Variants in IRAK2 observed in about 807,000 individuals in gnomAD.
The protein encoded by IRAK2 is interleukin-1 receptor-associated kinase-like 2.
A neutral mutation model predicts 72.0 loss-of-function variants in IRAK2; 57 were observed. The ratio of observed to expected loss-of-function variants is 0.79; its 90% CI spans 0.64 to 0.99. IRAK2 has a LOEUF of 0.99. IRAK2 is among the 50% of genes least tolerant of loss of function. The pLI, the probability that IRAK2 is intolerant of heterozygous loss-of-function variation, is 0.00. For missense variants in IRAK2, 790 were observed against 794.4 expected (o/e 0.99, Z 0.07); for synonymous variants, 293 against 312.7 (o/e 0.94, Z 0.67).
At chr3:10,238,713 T>G (rs753572839) in intron 11 of IRAK2, 35 bp from the exon 12 acceptor site, 6 of 1,595,312 alleles carry the variant, frequency 3.8e-6, no homozygotes, top group Non-Finnish European at 5.1e-6. Flanking sequence ...CAGAGAGAAT[T>G]CCTGATGAGC....
intron 1 of IRAK2, among the ~76,000 whole-genome samples, chr3:10,169,409 C>T (rs758123631): frequency 6.6e-6 from 1 of 152,162 alleles, no homozygotes; most frequent in African/African-American, 2.4e-5. Context: ...ATCAGACAGA[C>T]ACCCCCAGAG....
At chr3:10,184,954 A>G (rs534764112) in intron 2 of IRAK2, among the ~76,000 whole-genome samples, 64 of 149,306 alleles carry the variant, frequency 4.3e-4, no homozygotes, top group Admixed American at 1.2e-3. Context: ...AGCCAGGGTG[A>G]TCTCCTGACC....
rs1199941179 is a variant in IRAK2 at position 10,184,780 on chromosome 3, A to G, written c.277+6760A>G. On this transcript the variant is annotated intron_variant, in intron 2 of 12. Coordinates refer to ENST00000256458, the MANE Select transcript of IRAK2 (RefSeq NM_001570.4). Reference sequence around the variant, plus strand: ...AGCCTTGCTCTGTCGCCCAGGCTGGAGTGCAGTGGCGCGATCTCGGCTCAC... The same window carrying G: ...AGCCTTGCTCTGTCGCCCAGGCTGGGGTGCAGTGGCGCGATCTCGGCTCAC... Among the ~76,000 whole-genome samples, 7 of 128,060 alleles carry G rather than the reference A, an allele frequency of 5.5e-5. 1 individual carries two copies. The highest frequency in any genetic ancestry group is 6.0e-3 in the Middle Eastern group (1 of 168). The allele number at this position is 128,060 out of a possible 152,430, so 84.0% of individuals were successfully genotyped here.
At chr3:10,240,631 C>T (rs1698043097) in intron 12 of IRAK2, among the ~76,000 whole-genome samples, 1 of 124,664 alleles carries the variant, frequency 8.0e-6, no homozygotes. Flanking sequence ...GTGATCTTGG[C>T]TTATGGCAGC....
At chr3:10,187,514 G>C (rs999661881) in intron 2 of IRAK2, among the ~76,000 whole-genome samples, 1 of 152,178 alleles carries the variant, frequency 6.6e-6, no homozygotes, top group Non-Finnish European at 1.5e-5. Context: ...GTCTAGAGTA[G>C]CATTTCCCAC....
intron 2 of IRAK2, among the ~76,000 whole-genome samples, chr3:10,193,708 G>A (rs894716019): frequency 2.6e-5 from 4 of 152,230 alleles, no homozygotes; most frequent in African/African-American, 9.6e-5. Flanking sequence ...CTATAGATTA[G>A]CTGTTCCTTC....
intron 3 of IRAK2, among the ~76,000 whole-genome samples, chr3:10,207,246 C>T (rs1206500356): frequency 1.3e-5 from 2 of 152,152 alleles, no homozygotes; most frequent in East Asian, 1.9e-4. Context: ...AGCCACTGTG[C>T]CCAGGCCAAA....
At chr3:10,174,601 T>C (rs978618085) in intron 1 of IRAK2, among the ~76,000 whole-genome samples, 1 of 152,134 alleles carries the variant, frequency 6.6e-6, no homozygotes, top group African/African-American at 2.4e-5. Context: ...CTCGGCTCAC[T>C]GCAACCTCTG....
intron 3 of IRAK2, 25 bp downstream of exon 3, chr3:10,200,540 T>C: frequency 6.5e-7 from 1 of 1,534,396 alleles, no homozygotes; most frequent in Non-Finnish European, 8.8e-7. Flanking sequence ...ACTTTTTTAC[T>C]TAAAGCACTT....
At chr3:10,235,453 C>G (rs1284736827) in intron 11 of IRAK2, among the ~76,000 whole-genome samples, 2 of 152,084 alleles carry the variant, frequency 1.3e-5, no homozygotes, top group African/African-American at 2.4e-5. Flanking sequence ...ATCAGCCGCT[C>G]TGTCCGGCCT....
At chr3:10,230,044 G>A (rs1697835556) in intron 10 of IRAK2, among the ~76,000 whole-genome samples, 1 of 152,058 alleles carries the variant, frequency 6.6e-6, no homozygotes, top group Non-Finnish European at 1.5e-5. Flanking sequence ...AGTACAGTGA[G>A]TCGAGATTGT....
intron 9 of IRAK2, among the ~76,000 whole-genome samples, chr3:10,224,853 G>T (rs550174169): frequency 1.3e-5 from 2 of 148,262 alleles, no homozygotes; most frequent in Non-Finnish European, 3.0e-5. Context: ...CCCTGCCTCT[G>T]GTTGACTGAT....
At chr3:10,200,625 A>G (rs1194470817) in intron 3 of IRAK2, 110 bp downstream of exon 3, 2 of 875,504 alleles carry the variant, frequency 2.3e-6, no homozygotes, top group Middle Eastern at 3.9e-4. Flanking sequence ...GAGGCTGAGC[A>G]TGGTGGCCCA....
chr3:10,234,350 G>A (rs1166816475), intron 10 of IRAK2, 109 bp from the exon 11 acceptor site: 4 of 792,392 alleles, frequency 5.0e-6, no homozygotes, highest in South Asian at 1.5e-5. Context: ...TACGATGTCC[G>A]GTCGGTTTTC....
intron 3 of IRAK2, among the ~76,000 whole-genome samples, chr3:10,203,272 C>T (rs895950703): frequency 9.2e-5 from 14 of 152,222 alleles, no homozygotes; most frequent in African/African-American, 2.4e-5. Flanking sequence ...GCTGGGATTA[C>T]AGGCGTGAGC....
At chr3:10,204,801 CT>C (rs1246521473) in intron 3 of IRAK2, among the ~76,000 whole-genome samples, 1 of 151,996 alleles carries the variant, frequency 6.6e-6, no homozygotes, top group African/African-American at 2.4e-5. Flanking sequence ...AAAAAGAAAG[CT>C]TCTGGAAGCA....
At chr3:10,221,248 A>ATTTTTTT (rs34742796) in intron 8 of IRAK2, among the ~76,000 whole-genome samples, 1 of 89,712 alleles carries the variant, frequency 1.1e-5, no homozygotes, top group African/African-American at 4.8e-5. Flanking sequence ...AAAAAAAAAA[A>ATTTTTTT]TTTTTTTTTT....
chr3:10,181,215 C>A (rs1340459540), intron 2 of IRAK2, among the ~76,000 whole-genome samples: 1 of 152,148 alleles, frequency 6.6e-6, no homozygotes, highest in African/African-American at 2.4e-5. Context: ...CACCTGAAAC[C>A]CCTCCCTGCC....
At chr3:10,216,730 AG>A (rs1293616042) in intron 6 of IRAK2, among the ~76,000 whole-genome samples, 2 of 152,168 alleles carry the variant, frequency 1.3e-5, no homozygotes, top group African/African-American at 4.8e-5. Flanking sequence ...GCAGTAAAGC[AG>A]GATGAGGACC....
Sources: gnomAD v4.1 joint callset for allele counts (sites outside exome capture counted in the v4.1 genomes callset) on GRCh38, gnomAD v4.1.1 for gene constraint, MANE v1.5 for transcripts, NCBI Gene and HGNC (gene_info 2026-07-23, HGNC 2026-07-21) for gene names.